Variants in RBM27 observed in about 807,000 individuals in gnomAD.
The protein encoded by RBM27 is RNA-binding protein 27.
In RBM27, 22 loss-of-function variants were observed where a neutral mutation model predicts 135.3. The observed-to-expected ratio is 0.16, with a 90% CI of 0.12 to 0.23. The LOEUF is 0.23. Among genes scored for constraint, RBM27 ranks in the 10% least tolerant of loss-of-function variants. The pLI, the probability that RBM27 is intolerant of heterozygous loss-of-function variation, is 1.00. For missense variants in RBM27, 1,009 were observed against 1,281.0 expected, an observed-to-expected ratio of 0.79 and a Z score of 3.24; for synonymous variants, 481 against 442.4, an observed-to-expected ratio of 1.09 and a Z score of -1.10.
chr5:146,267,030 C>G (rs1758645011), intron 14 of RBM27, among the ~76,000 whole-genome samples: 1 of 152,190 alleles, frequency 6.6e-6, no homozygotes, highest in Non-Finnish European at 1.5e-5. Context: ...TGGCACTTCA[C>G]TTACGAAAAA....
chr5:146,233,425 T>C (rs1315121052), intron 6 of RBM27, 25 bp from the exon 7 acceptor site: 1 of 1,505,438 alleles, frequency 6.6e-7, no homozygotes, highest in Non-Finnish European at 8.9e-7. Flanking sequence ...ATAATAAGAT[T>C]CTTTTTTTAT....
At chr5:146,283,322 TCGAGC>T (rs1473912063) in intron 19 of RBM27, among the ~76,000 whole-genome samples, 1 of 152,174 alleles carries the variant, frequency 6.6e-6, no homozygotes, top group Admixed American at 6.6e-5. Flanking sequence ...GGAGAATTCC[TCGAGC>T]CCAAGAGTTT....
chr5:146,222,647 G>T (rs1213688521), intron 2 of RBM27, among the ~76,000 whole-genome samples: 2 of 152,200 alleles, frequency 1.3e-5, no homozygotes, highest in African/African-American at 2.4e-5. Context: ...TCGCACCACT[G>T]CACTCCAGCC....
intron 6 of RBM27, 123 bp from the exon 7 acceptor site, chr5:146,233,327 T>C: frequency 4.9e-6 from 7 of 1,441,814 alleles, no homozygotes; most frequent in Non-Finnish European, 6.4e-6. Flanking sequence ...ACTGAGACTT[T>C]GGATTCCTTG....
At chr5:146,233,268 GAGT>G (rs1293375846) in intron 6 of RBM27, among the ~76,000 whole-genome samples, 179 bp from the exon 7 acceptor site, 1 of 152,124 alleles carries the variant, frequency 6.6e-6, no homozygotes, top group Non-Finnish European at 1.5e-5. Context: ...AAAAAGTAGA[GAGT>G]ACATCTGCCT....
At chr5:146,277,179 C>G (rs1401424533) in intron 19 of RBM27, among the ~76,000 whole-genome samples, 1 of 152,128 alleles carries the variant, frequency 6.6e-6, no homozygotes, top group Non-Finnish European at 1.5e-5. Context: ...TTAGAACATT[C>G]AAACAATACA....
chr5:146,270,535 G>C (rs558219257), intron 17 of RBM27, among the ~76,000 whole-genome samples: 1 of 152,026 alleles, frequency 6.6e-6, no homozygotes, highest in East Asian at 1.9e-4. Flanking sequence ...TAAATAATTC[G>C]TCTCTAACAA....
chr5:146,231,784 A>G (rs1460880892), intron 6 of RBM27, among the ~76,000 whole-genome samples: 1 of 151,352 alleles, frequency 6.6e-6, no homozygotes, highest in Non-Finnish European at 1.5e-5. Context: ...TGCCCGGCTA[A>G]TTTTTGTATT....
intron 8 of RBM27, among the ~76,000 whole-genome samples, chr5:146,247,709 CT>C (rs1356312384): frequency 6.6e-6 from 1 of 151,932 alleles, no homozygotes; most frequent in African/African-American, 2.4e-5. Flanking sequence ...CAATTTTTTT[CT>C]TTTTTTGGCA....
chr5:146,233,747 A>T lies in RBM27; in HGVS notation c.1144+4A>T. On this transcript the variant is annotated splice_donor_region_variant and intron_variant, in intron 7 of 20. Transcript: ENST00000265271. ...TCCGTTGTGCTTCCCATACCAAGTAAGTATATATTTGTTGAATTTTTCTCT... is the reference window on the plus strand; with the variant it reads ...TCCGTTGTGCTTCCCATACCAAGTATGTATATATTTGTTGAATTTTTCTCT... 1 of 1,378,746 alleles carries T rather than the reference A, an allele frequency of 7.3e-7. No individual in the cohort carries two copies. Among genetic ancestry groups the T allele is most frequent in the Non-Finnish European group, 9.4e-7 (1 of 1,059,732 alleles). The allele number at this position is 1,378,746 out of a possible 1,614,324, so 85.4% of individuals were successfully genotyped here.
chr5:146,261,039 A>G, intron 12 of RBM27, 141 bp downstream of exon 12: 3 of 794,254 alleles, frequency 3.8e-6, no homozygotes, highest in Middle Eastern at 6.0e-4. Flanking sequence ...ATATATCTAT[A>G]TACCCACTTT....
intron 17 of RBM27, 79 bp from the exon 18 acceptor site, chr5:146,270,875 C>A: frequency 2.3e-6 from 2 of 853,802 alleles, no homozygotes; most frequent in South Asian, 1.6e-5. Flanking sequence ...ACATGTGTGT[C>A]ATTGTGTAAC....
intron 2 of RBM27, among the ~76,000 whole-genome samples, chr5:146,221,065 A>G (rs1268765139): frequency 6.6e-6 from 1 of 151,784 alleles, no homozygotes; most frequent in East Asian, 1.9e-4. Context: ...AAAAAAACAC[A>G]AAAAAATTAG....
At chr5:146,253,605 C>A (rs1293161370) in intron 9 of RBM27, among the ~76,000 whole-genome samples, 3 of 151,954 alleles carry the variant, frequency 2.0e-5, no homozygotes, top group African/African-American at 7.3e-5. Context: ...GAATGCCAAC[C>A]AGCAGTTCTA....
At chr5:146,213,438 G>A (rs574035386) in intron 1 of RBM27, among the ~76,000 whole-genome samples, 56 of 152,162 alleles carry the variant, frequency 3.7e-4, no homozygotes, top group African/African-American at 1.3e-3. Flanking sequence ...TACACATTGA[G>A]ATCAGGAGAT....
intron 8 of RBM27, among the ~76,000 whole-genome samples, chr5:146,245,406 G>T (rs1304888352): frequency 6.6e-6 from 1 of 152,072 alleles, no homozygotes; most frequent in East Asian, 1.9e-4. Flanking sequence ...TGCTAAGTTC[G>T]TTCGTTGTAC....
rs1395680373 is a variant in RBM27, at chr5:146,286,251, C to T, written c.*221C>T. On this transcript the variant is annotated 3_prime_UTR_variant, in exon 21 of 21. Transcript: ENST00000265271. ...ACTTTTACACAGTTGTGAAGATCCA[C>T]AGCAATGACATGGATAATCTCTAGA... The T allele has an allele frequency of 2.8e-5, 11 of 386,306 alleles. No individual in the cohort carries two copies. The highest frequency in any genetic ancestry group is 4.6e-5 in the Non-Finnish European group (10 of 219,376). 23.9% of individuals were successfully genotyped at this position (386,306 alleles called of 1,614,324 possible).
intron 17 of RBM27, among the ~76,000 whole-genome samples, 191 bp downstream of exon 17, chr5:146,269,775 A>G (rs1758784264): frequency 6.9e-6 from 1 of 144,990 alleles, no homozygotes; most frequent in African/African-American, 2.6e-5. Context: ...TTAAGAGACA[A>G]GGTCTCACTA....
At chr5:146,240,683 A>G (rs540216270) in intron 8 of RBM27, among the ~76,000 whole-genome samples, 1 of 152,148 alleles carries the variant, frequency 6.6e-6, no homozygotes, top group African/African-American at 2.4e-5. Context: ...ATAATGACAT[A>G]TACTTATATA....
Sources: gnomAD v4.1 joint callset for allele counts (sites outside exome capture counted in the v4.1 genomes callset) on GRCh38, gnomAD v4.1.1 for gene constraint, MANE v1.5 for transcripts, NCBI Gene and HGNC (gene_info 2026-07-23, HGNC 2026-07-21) for gene names.